MEIKIN: variants seen among roughly 807,000 people sequenced by gnomAD.
MEIKIN encodes the protein meiotic kinetochore factor, also known as meiosis-specific kinetochore protein.
chr5:131,872,967 C>A (rs887661463), intron 9 of MEIKIN, among the ~76,000 whole-genome samples: 6 of 152,320 alleles, frequency 3.9e-5, no homozygotes, highest in African/African-American at 1.4e-4. Context: ...TTGTCACCAC[C>A]AGGCCTGCCC....
At chr5:131,854,512 T>C (rs1485351441) in intron 10 of MEIKIN, among the ~76,000 whole-genome samples, 1 of 152,178 alleles carries the variant, frequency 6.6e-6, no homozygotes, top group African/African-American at 2.4e-5. Flanking sequence ...TTCATCACAA[T>C]TTTTAAAACT....
intron 12 of MEIKIN, among the ~76,000 whole-genome samples, chr5:131,814,554 G>C (rs949949915): frequency 6.6e-5 from 10 of 152,008 alleles, no homozygotes; most frequent in African/African-American, 2.4e-4. Flanking sequence ...TGGGATTACA[G>C]GCATGAGCCA....
At chr5:131,927,409 A>G (rs543452304) in intron 5 of MEIKIN, among the ~76,000 whole-genome samples, 1 of 152,276 alleles carries the variant, frequency 6.6e-6, no homozygotes, top group South Asian at 2.1e-4. Context: ...AGAATGTCCT[A>G]TCTGTGCATG....
At chr5:131,869,384 C>G (rs1003055249) in intron 9 of MEIKIN, among the ~76,000 whole-genome samples, 3 of 152,136 alleles carry the variant, frequency 2.0e-5, no homozygotes, top group Non-Finnish European at 2.9e-5. Context: ...GATTACTGCA[C>G]CTTTACAGTA....
chr5:131,945,424 G>T lies in MEIKIN; in HGVS notation c.82C>A (p.Pro28Thr). Reference sequence around the variant, plus strand: ...CCTGGCGGGGCCTCGGCCTTCGCTGGAGAGCCTAGGTCTGGCGTCGGGGTG... The same window carrying T: ...CCTGGCGGGGCCTCGGCCTTCGCTGTAGAGCCTAGGTCTGGCGTCGGGGTG... Reference protein sequence around the residue: ...NLTPTPDLGSPAKAEAPPGSK... With the variant: ...NLTPTPDLGSTAKAEAPPGSK... The change falls in exon 1 of 13, where the codon CCA becomes ACA. Residue 28 changes from proline (P) to threonine (T), a missense_variant. Transcript: ENST00000442687. 1 of 399,288 alleles carries T rather than the reference G, an allele frequency of 2.5e-6. No individual in the cohort carries two copies. Among genetic ancestry groups the T allele is most frequent in the Non-Finnish European group, 4.4e-6 (1 of 226,200 alleles). The allele number at this position is 399,288 out of a possible 1,614,324, so 24.7% of individuals were successfully genotyped here. A position where few individuals can be genotyped will look rare whatever the true frequency, so the allele number is the denominator to read the frequency against.
intron 8 of MEIKIN, among the ~76,000 whole-genome samples, chr5:131,906,486 AC>A (rs1751244178): frequency 6.6e-6 from 1 of 152,122 alleles, no homozygotes; most frequent in South Asian, 2.1e-4. Flanking sequence ...AAACAGAACT[AC>A]CATTTGACCC....
At chr5:131,913,339 T>C (rs1171141740) in intron 7 of MEIKIN, among the ~76,000 whole-genome samples, 1 of 152,228 alleles carries the variant, frequency 6.6e-6, no homozygotes, top group Non-Finnish European at 1.5e-5. Context: ...TGCACAAATC[T>C]TTGTCATGTC....
intron 4 of MEIKIN, among the ~76,000 whole-genome samples, chr5:131,941,481 T>C (rs969992102): frequency 6.6e-5 from 10 of 152,142 alleles, no homozygotes; most frequent in Non-Finnish European, 1.3e-4. Context: ...TATTACAGTC[T>C]TTTGCTTTAC....
chr5:131,815,359 A>G (rs1773082798), intron 12 of MEIKIN, among the ~76,000 whole-genome samples: 1 of 152,228 alleles, frequency 6.6e-6, no homozygotes, highest in Non-Finnish European at 1.5e-5. Flanking sequence ...CTGAATCAGC[A>G]TCCAATAAAT....
At chr5:131,884,512 G>T (rs1750744714) in intron 8 of MEIKIN, among the ~76,000 whole-genome samples, 1 of 151,978 alleles carries the variant, frequency 6.6e-6, no homozygotes, top group African/African-American at 2.4e-5. Flanking sequence ...AGAGCCCTTG[G>T]GCCCTAAATA....
intron 4 of MEIKIN, among the ~76,000 whole-genome samples, chr5:131,940,389 T>G (rs1751849197): frequency 6.6e-6 from 1 of 152,258 alleles, no homozygotes; most frequent in Non-Finnish European, 1.5e-5. Context: ...GGTTAAGTTT[T>G]AATTTGAAAT....
chr5:131,818,448 T>C (rs1350767090), intron 12 of MEIKIN, among the ~76,000 whole-genome samples: 1 of 152,060 alleles, frequency 6.6e-6, no homozygotes, highest in Non-Finnish European at 1.5e-5. Flanking sequence ...AGAGACAGGG[T>C]CTCTCTCTGT....
intron 11 of MEIKIN, among the ~76,000 whole-genome samples, chr5:131,821,987 T>C (rs1489516958): frequency 6.6e-6 from 1 of 152,210 alleles, no homozygotes; most frequent in African/African-American, 2.4e-5. Context: ...TAGGTGCACA[T>C]GTATTCACAA....
intron 11 of MEIKIN, among the ~76,000 whole-genome samples, chr5:131,836,490 T>C (rs1411850516): frequency 1.3e-5 from 2 of 152,258 alleles, no homozygotes; most frequent in African/African-American, 4.8e-5. Flanking sequence ...TCCACAATGG[T>C]TGAACTAATT....
chr5:131,858,173 G>A (rs1298830220), intron 9 of MEIKIN, among the ~76,000 whole-genome samples: 5 of 152,216 alleles, frequency 3.3e-5, no homozygotes, highest in African/African-American at 1.2e-4. Context: ...AGTTAGAGCA[G>A]TCAAACTAGG....
chr5:131,899,559 AAAC>A (rs1434295488), intron 8 of MEIKIN, among the ~76,000 whole-genome samples: 1 of 151,790 alleles, frequency 6.6e-6, no homozygotes, highest in Non-Finnish European at 1.5e-5. Context: ...AAAAAAAAAA[AAAC>A]AAGACCCAGT....
intron 11 of MEIKIN, among the ~76,000 whole-genome samples, chr5:131,829,759 C>T (rs1360699627): frequency 4.6e-5 from 7 of 152,132 alleles, no homozygotes; most frequent in Non-Finnish European, 7.3e-5. Context: ...AGGGGGAAGA[C>T]AGTCATGTGA....
intron 11 of MEIKIN, among the ~76,000 whole-genome samples, chr5:131,842,704 G>A (rs1373342770): frequency 6.6e-6 from 1 of 151,964 alleles, no homozygotes; most frequent in African/African-American, 2.4e-5. Context: ...AAAACATCTT[G>A]TAGTTAGAAC....
At chr5:131,942,791 A>G (rs1751895550) in intron 3 of MEIKIN, 96 bp from the exon 4 acceptor site, 1 of 389,810 alleles carries the variant, frequency 2.6e-6, no homozygotes, top group Middle Eastern at 6.5e-4. Context: ...AAATGAAAAC[A>G]TCAACTTTTT....
Sources: allele counts gnomAD v4.1 joint callset (sites outside exome capture counted in the v4.1 genomes callset), GRCh38; gene constraint gnomAD v4.1.1; transcripts MANE v1.5; gene names NCBI Gene and HGNC (gene_info 2026-07-23, HGNC 2026-07-21).